Variants in MAP3K6 observed in about 807,000 individuals in gnomAD.
The protein encoded by MAP3K6 is mitogen-activated protein kinase kinase kinase 6.
A neutral mutation model predicts 147.1 loss-of-function variants in MAP3K6; 105 were observed. The observed-to-expected ratio is 0.71, with a 90% CI of 0.61 to 0.84. The LOEUF (loss-of-function observed/expected upper bound fraction) is 0.84, where lower values mean the gene tolerates loss of function less well. Ranked by LOEUF, MAP3K6 falls within the 40% of genes least tolerant of loss-of-function variation. The probability of loss-of-function intolerance (pLI) is 0.00; values close to 1 mark genes in which losing one functional copy is unlikely to be tolerated. For synonymous variants in MAP3K6, 695 were observed against 732.4 expected (o/e 0.95, Z 0.82); for missense variants, 1,569 against 1,715.0 (o/e 0.91, Z 1.50).
rs780595814 is a variant in MAP3K6, at chr1:27,362,078, G to C, written c.1415+13C>G. On this transcript the variant is annotated intron_variant, in intron 9 of 28. Coordinates refer to ENST00000357582, the MANE Select transcript of MAP3K6 (RefSeq NM_004672.5). The stretch of plus-strand genomic sequence containing the variant: ...GCCCAGGTCAGGCCAAGAATGCAGA[G>C]GGGGCCACCTACCATATGGGGGCAT... 3 of 1,603,392 alleles carry C rather than the reference G, an allele frequency of 1.9e-6. No homozygotes were observed. Among genetic ancestry groups the C allele is most frequent in the Non-Finnish European group, 2.6e-6 (3 of 1,174,068 alleles).
rs764823527 is a variant in MAP3K6, at chr1:27,362,151, T to C, written c.1355A>G (p.Asn452Ser). Reference protein sequence around the residue: ...GFYLGAQILANDPTQVVLAAE... With the variant: ...GFYLGAQILASDPTQVVLAAE... ...AGCCAGCACCACCTGGGTGGGGTCA[T>C]TGGCGAGGATCTGGGCTCCCAGGTA... The change falls in exon 9 of 29, where the codon AAT becomes AGT. Residue 452 changes from asparagine to serine, a missense_variant. By Grantham distance (46) the Asn-to-Ser change is conservative (BLOSUM62 1). Coordinates refer to ENST00000357582, the MANE Select transcript of MAP3K6 (RefSeq NM_004672.5). 5 of 1,613,712 alleles carry C rather than the reference T, an allele frequency of 3.1e-6. No individual in the cohort carries two copies. The Admixed American group carries it at 8.3e-5, about 27-fold the overall frequency.
Position 27,361,617 on chromosome 1 carries a change from A to G in MAP3K6, c.1589T>C (p.Leu530Pro). 2.5e-6 allele frequency: 4 copies of G among 1,614,184 alleles called. No individual in the cohort carries two copies. The highest frequency in any genetic ancestry group is 3.4e-6 in the Non-Finnish European group (4 of 1,180,046). Residue 530 changes from leucine (L) to proline (P), a missense_variant, in exon 11 of 29, where the codon CTG (leucine) becomes CCG (proline). Coordinates refer to ENST00000357582, the MANE Select transcript of MAP3K6 (RefSeq NM_004672.5). ...AGGCAGCAGCACCTTGTTCATCTCC[A>G]GGACCAGCACCTGCAGGCAGTTGGG... ...AQGDQCLVLV[L>P]EMNKVLLPAK...
At chr1:27,361,440 G>C (rs373068580) in intron 11 of MAP3K6, 45 bp from the exon 12 acceptor site, 3 of 1,611,702 alleles carry the variant, frequency 1.9e-6, no homozygotes, top group Non-Finnish European at 2.5e-6. Flanking sequence ...GGTGACAGGA[G>C]AGGGGTCTGA....
chr1:27,361,952 A>G, intron 9 of MAP3K6, 85 bp from the exon 10 acceptor site: 4 of 1,499,898 alleles, frequency 2.7e-6, no homozygotes, highest in Non-Finnish European at 3.6e-6. Flanking sequence ...TATAGCTAGA[A>G]CGTTGGCATG....
Position 27,361,365 on chromosome 1 carries a change from C to A in MAP3K6, c.1717G>T (p.Ala573Ser), listed in dbSNP as rs373454472. The A allele has an allele frequency of 1.2e-6, 2 of 1,613,888 alleles. No homozygotes were observed. Among genetic ancestry groups the A allele is most frequent in the East Asian group, 2.2e-5 (1 of 44,870 alleles). Residue 573 changes from alanine to serine, a missense_variant, in exon 12 of 29, where the codon GCC (alanine) becomes TCC (serine). Physicochemically the swap from Ala to Ser is moderately conservative, Grantham distance 99 (BLOSUM62 1). Coordinates refer to ENST00000357582, the MANE Select transcript of MAP3K6 (RefSeq NM_004672.5). ...DIPSSWTFPV[A>S]SICGVSASKR... ...TATCACCTGACTCCGCATATGGAGG[C>A]GACTGGGAAGGTCCAGCTGGAGGGA...
intron 1 of MAP3K6, among the ~76,000 whole-genome samples, chr1:27,365,255 G>C (rs2015936406): frequency 6.6e-6 from 1 of 152,094 alleles, no homozygotes; most frequent in African/African-American, 2.4e-5. Context: ...CCCTCCCTTT[G>C]GTCTTCAGCA....
At position 27,357,107 on chromosome 1, in the gene MAP3K6, T is replaced by C. The variant is rs2015556379; in HGVS notation, c.3266A>G (p.Gln1089Arg). 1.9e-6 allele frequency: 3 copies of C among 1,613,390 alleles called. No homozygotes were observed. The African/African-American group carries it at 4.0e-5, about 22-fold the overall frequency. The stretch of plus-strand genomic sequence containing the variant: ...ACGGATCTGGCGCTTGCGGAGGATC[T>C]GCTTCACCTGCAGGGGGAGGGAGGC... ...PLFAFPDAVK[Q>R]ILRKRQIRPH... Residue 1089 changes from glutamine to arginine, a missense_variant, in exon 24 of 29, where the codon CAG (glutamine) becomes CGG (arginine). Gln to Arg is a conservative substitution (Grantham distance 43). Coordinates refer to ENST00000357582, the MANE Select transcript of MAP3K6 (RefSeq NM_004672.5).
intron 1 of MAP3K6, among the ~76,000 whole-genome samples, chr1:27,365,820 G>A (rs543305278): frequency 3.3e-5 from 5 of 152,084 alleles, no homozygotes; most frequent in African/African-American, 1.2e-4. Flanking sequence ...CTTTCCCTAA[G>A]TCCAAGCTCC....
At position 27,356,600 on chromosome 1, in the gene MAP3K6, C is replaced by T. The variant is rs2015532743; in HGVS notation, c.3514G>A (p.Glu1172Lys). ...TCCAAGGGGCTTTACCGATCAGTCTCTGCCCTCAAGAGGCTCAGCTGCACC... is the reference window on the plus strand; with the variant it reads ...TCCAAGGGGCTTTACCGATCAGTCTTTGCCCTCAAGAGGCTCAGCTGCACC... Reference protein sequence around the residue: ...LMVQLSLLRAETDRLREILAG... With the variant: ...LMVQLSLLRAKTDRLREILAG... The change falls in exon 25 of 29, where the codon GAG becomes AAG. Residue 1172 changes from glutamate to lysine, a missense_variant. Glu to Lys is a moderately conservative substitution (Grantham distance 56). Coordinates refer to ENST00000357582, the MANE Select transcript of MAP3K6 (RefSeq NM_004672.5). 1.2e-6 allele frequency: 2 copies of T among 1,612,792 alleles called. No individual in the cohort carries two copies. The highest frequency in any genetic ancestry group is 1.7e-6 in the Non-Finnish European group (2 of 1,179,290).
Position 27,360,394 on chromosome 1 carries a change from A to C in MAP3K6, c.2055-26T>G. On this transcript the variant is annotated intron_variant, in intron 15 of 28. Coordinates refer to ENST00000357582, the MANE Select transcript of MAP3K6 (RefSeq NM_004672.5). This position sits in a 1 kb window ranked among gnomAD's most constrained non-coding sequence, Gnocchi z 4.5. ...CTGAGGGGAGGTAAGGGAGAGAGGA[A>C]AGGGACCGAGGTGGGCAGAGAAGCC... is the stretch of plus-strand genomic sequence containing the variant. 3 of 1,607,708 alleles carry C rather than the reference A, an allele frequency of 1.9e-6. No individual in the cohort carries two copies. The highest frequency in any genetic ancestry group is 2.5e-6 in the Non-Finnish European group (3 of 1,176,578).
chr1:27,358,520 C>CG lies in MAP3K6; in HGVS notation c.2674dup (p.Arg892ProfsTer246), dbSNP rs774716013. 6.2e-7 allele frequency: 1 copy of CG among 1,606,812 alleles called. No homozygotes were observed. Among genetic ancestry groups the CG allele is most frequent in the South Asian group, 1.1e-5 (1 of 90,254 alleles). ...CAGTGTCTGGGCGCTGGCTCGGAGG[C>CG]GGGGGTCTGGCTCAAAAGTTCGGAG... On this transcript the variant is annotated frameshift_variant, in exon 20 of 29. Transcript: ENST00000357582. LOFTEE classifies it high-confidence loss of function. This position sits in a 1 kb window ranked among gnomAD's most constrained non-coding sequence, Gnocchi z 6.2.
At chr1:27,361,063 C>T in intron 13 of MAP3K6, 55 bp from the exon 14 acceptor site, 7 of 1,536,136 alleles carry the variant, frequency 4.6e-6, no homozygotes, top group Non-Finnish European at 5.3e-6. Flanking sequence ...CCCACCTAAG[C>T]CGGAGCATCC....
rs1406050802 is a variant in MAP3K6, at chr1:27,362,859, G to T, written c.1134C>A (p.Ala378=). 1 of 1,613,940 alleles carries T rather than the reference G, an allele frequency of 6.2e-7. No individual in the cohort carries two copies. The highest frequency in any genetic ancestry group is 2.2e-5 in the East Asian group (1 of 44,878). The change falls in exon 7 of 29, where the codon GCC becomes GCA. Residue 378 remains alanine, a synonymous_variant. Transcript: ENST00000357582. ...GFQDAGHREQ[A]YHWYRKAFDV... ...CTCACTGTGCTCTTTACCAGTGATA[G>T]GCCTGCTCCCGGTGCCCAGCATCCT...
chr1:27,362,271 C>A (rs779908194), intron 8 of MAP3K6, 21 bp from the exon 9 acceptor site: 4 of 1,600,802 alleles, frequency 2.5e-6, no homozygotes, highest in Admixed American at 3.4e-5. Flanking sequence ...GAGGCATGGG[C>A]TCCAGTGAGT....
At position 27,361,146 on chromosome 1, in the gene MAP3K6, A is replaced by G; in HGVS notation, c.1832+11T>C. On this transcript the variant is annotated intron_variant, in intron 13 of 28. Transcript: ENST00000357582. ...GCCCTCAGAGTACCCCGACCATGAA[A>G]GGCTGCGCACCACTGGCAGTGCCCT... The G allele has an allele frequency of 6.2e-7, 1 of 1,600,796 alleles. No homozygotes were observed.
Position 27,360,294 on chromosome 1 carries a change from C to G in MAP3K6, c.2129G>C (p.Gly710Ala). ...AAGGTAGCCGCCCTGGCTAGCTGAG[C>G]CCAGATAGCGCACTATGTTCTTGTG... The part of the protein sequence containing the change: ...LRHKNIVRYL[G>A]SASQGGYLKI... The change falls in exon 16 of 29, where the codon GGC becomes GCC. Residue 710 changes from glycine to alanine, a missense_variant. Physicochemically the swap from Gly to Ala is moderately conservative, Grantham distance 60. Coordinates refer to ENST00000357582, the MANE Select transcript of MAP3K6 (RefSeq NM_004672.5). This position sits in a 1 kb window ranked among gnomAD's most constrained non-coding sequence, Gnocchi z 4.5. 1 of 1,614,098 alleles carries G rather than the reference C, an allele frequency of 6.2e-7. No homozygotes were observed. The highest frequency in any genetic ancestry group is 1.1e-5 in the South Asian group (1 of 91,088).
In MAP3K6 at chr1:27,360,480, C is replaced by G; in HGVS notation, c.2055-112G>C. ...GACCCGCCCCGCCCACAAGCCCTCT[C>G]CGACCTTCCCCACCCTTACTACCCT... On this transcript the variant is annotated intron_variant, in intron 15 of 28. Transcript: ENST00000357582. This position sits in a 1 kb window ranked among gnomAD's most constrained non-coding sequence, Gnocchi z 4.5. 1 of 1,269,000 alleles carries G rather than the reference C, an allele frequency of 7.9e-7. No individual in the cohort carries two copies. The highest frequency in any genetic ancestry group is 1.1e-6 in the Non-Finnish European group (1 of 943,340). 78.6% of individuals were successfully genotyped at this position (1,269,000 alleles called of 1,614,324 possible).
intron 26 of MAP3K6, 52 bp downstream of exon 26, chr1:27,356,336 T>G: frequency 6.7e-7 from 1 of 1,501,516 alleles, no homozygotes; most frequent in Admixed American, 2.1e-5. Flanking sequence ...TGCCTTGTGC[T>G]AGAAGCTGCC....
chr1:27,356,128 C>G, intron 26 of MAP3K6, 29 bp from the exon 27 acceptor site: 3 of 1,600,102 alleles, frequency 1.9e-6, no homozygotes, highest in African/African-American at 1.3e-5. Flanking sequence ...GTGATGAGCC[C>G]AAGAGTGCCT....
Sources: gnomAD v4.1 joint callset for allele counts (sites outside exome capture counted in the v4.1 genomes callset) on GRCh38, gnomAD v4.1.1 for gene constraint, Gnocchi (gnomAD v3.1) non-coding constraint, MANE v1.5 for transcripts, NCBI Gene and HGNC (gene_info 2026-07-23, HGNC 2026-07-21) for gene names.